The following LARP1 variants were observed in gnomAD, a reference collection of about 807,000 sequenced individuals.
The protein encoded by LARP1 is La ribonucleoprotein 1, translational regulator.
LARP1 carries 36 observed loss-of-function variants against 122.7 expected under a neutral mutation model. The observed-to-expected ratio is 0.29, with a 90% CI of 0.22 to 0.39. The LOEUF is 0.39. Ranked by LOEUF, LARP1 falls within the 10% of genes least tolerant of loss-of-function variation. The pLI, the probability that LARP1 is intolerant of heterozygous loss-of-function variation, is 1.00. For synonymous variants in LARP1, 539 were observed against 528.7 expected (o/e 1.02, Z -0.27); for missense variants, 1,040 against 1,403.6 (o/e 0.74, Z 4.14).
chr5:154,745,734 A>G (rs1307672462), intron 1 of LARP1, among the ~76,000 whole-genome samples: 1 of 152,160 alleles, frequency 6.6e-6, no homozygotes, highest in Non-Finnish European at 1.5e-5. Context: ...CAGAGAAAGA[A>G]AGTGACTTGC....
upstream of LARP1, among the ~76,000 whole-genome samples, chr5:154,711,630 A>C (rs1755230497): frequency 6.6e-6 from 1 of 152,168 alleles, no homozygotes; most frequent in South Asian, 2.1e-4. Context: ...AGGAAGGAGG[A>C]ATTTACAAGA....
In LARP1 at chr5:154,755,600, G is replaced by A; in HGVS notation, c.-158G>A. On this transcript the variant is annotated 5_prime_UTR_variant, in exon 1 of 19. Transcript: ENST00000518297. Reference sequence around the variant, plus strand: ...GGATTTACGGCGGCTGCATCTAACTGGGAGGGGGCCGCACCTCGCGTGAAC... The same window carrying A: ...GGATTTACGGCGGCTGCATCTAACTAGGAGGGGGCCGCACCTCGCGTGAAC... The A allele has an allele frequency of 3.0e-6, 3 of 987,486 alleles. No individual in the cohort carries two copies. The highest frequency in any genetic ancestry group is 3.6e-6 in the Non-Finnish European group (3 of 830,194). 61.2% of individuals were successfully genotyped at this position (987,486 alleles called of 1,614,324 possible).
intron 1 of LARP1, among the ~76,000 whole-genome samples, chr5:154,688,471 G>A (rs142473005): frequency 2.0e-5 from 3 of 151,740 alleles, no homozygotes; most frequent in South Asian, 2.1e-4. Context: ...CCAACATGGT[G>A]AAACCCTGTC....
chr5:154,764,612 A>G (rs1372017376), intron 1 of LARP1, among the ~76,000 whole-genome samples: 1 of 149,756 alleles, frequency 6.7e-6, no homozygotes, highest in East Asian at 2.0e-4. Flanking sequence ...AAAAAAAAAA[A>G]AAAAAAAACT....
chr5:154,812,809 G>A (rs952577171), intron 18 of LARP1, among the ~76,000 whole-genome samples: 3 of 151,928 alleles, frequency 2.0e-5, no homozygotes, highest in Admixed American at 1.3e-4. Flanking sequence ...GAGCCACCGC[G>A]CCCGGCCCAA....
Position 154,795,302 on chromosome 5 carries a change from A to T in LARP1, c.1360A>T (p.Ile454Phe). The change falls in exon 8 of 19, where the codon ATT becomes TTT. Residue 454 changes from isoleucine (I) to phenylalanine (F), a missense_variant. By Grantham distance (21) the Ile-to-Phe change is conservative (BLOSUM62 0). Transcript: ENST00000518297. The stretch of plus-strand genomic sequence containing the variant: ...CCGAGTGCAGGCCCTTACCACTGAC[A>T]TTTCACTCATCTTTGCGGTATGTCT... ...FHRVQALTTD[I>F]SLIFAALKDS... 1 of 1,613,758 alleles carries T rather than the reference A, an allele frequency of 6.2e-7. No individual in the cohort carries two copies. Among genetic ancestry groups the T allele is most frequent in the Non-Finnish European group, 8.5e-7 (1 of 1,179,872 alleles).
chr5:154,792,617 T>C lies in LARP1; in HGVS notation c.565-5T>C. 6.2e-7 allele frequency: 1 copy of C among 1,613,676 alleles called. No homozygotes were observed. The highest frequency in any genetic ancestry group is 8.5e-7 in the Non-Finnish European group (1 of 1,179,784). ...ACCTCACTGTTACTTTACTTCCTGC[T>C]ATAGCCACAGTCCCACAAGCCTCAG... is the stretch of plus-strand genomic sequence containing the variant. On this transcript the variant is annotated splice_polypyrimidine_tract_variant and splice_region_variant and intron_variant, in intron 3 of 18. Coordinates refer to ENST00000518297, the MANE Select transcript of LARP1 (RefSeq NM_033551.3).
chr5:154,726,476 T>A (rs1756223424), intron 1 of LARP1, among the ~76,000 whole-genome samples: 1 of 152,172 alleles, frequency 6.6e-6, no homozygotes, highest in African/African-American at 2.4e-5. Flanking sequence ...GATCCAGATT[T>A]TGGCATTTTG....
At chr5:154,694,006 A>G (rs1754356216) in intron 1 of LARP1, among the ~76,000 whole-genome samples, 1 of 152,192 alleles carries the variant, frequency 6.6e-6, no homozygotes, top group Non-Finnish European at 1.5e-5. Context: ...CGAAAAGTTC[A>G]GGGGATAGAG....
chr5:154,705,342 G>A (rs1258431111), intron 1 of LARP1, among the ~76,000 whole-genome samples: 1 of 152,066 alleles, frequency 6.6e-6, no homozygotes, highest in African/African-American at 2.4e-5. Flanking sequence ...TTCACAGCCA[G>A]TTACAGATCA....
intron 1 of LARP1, among the ~76,000 whole-genome samples, chr5:154,695,832 C>A: frequency 6.6e-6 from 1 of 151,866 alleles, no homozygotes; most frequent in Non-Finnish European, 1.5e-5. Flanking sequence ...AAGATCGTGC[C>A]GCTGCACTCC....
intron 1 of LARP1, among the ~76,000 whole-genome samples, chr5:154,759,765 A>G (rs2113579935): frequency 6.6e-6 from 1 of 152,154 alleles, no homozygotes; most frequent in South Asian, 2.1e-4. Context: ...TACTTCAGGT[A>G]CCCATACAAC....
intron 1 of LARP1, chr5:154,685,821 TTA>T (rs200868230): frequency 0.027 from 9,750 of 363,404 alleles, 29 homozygotes; most frequent in African/African-American, 0.036. Flanking sequence ...TTTTTTTTTT[TTA>T]AATTTTAGAG....
At chr5:154,734,616 T>C (rs1007682018) in intron 1 of LARP1, among the ~76,000 whole-genome samples, 1 of 152,182 alleles carries the variant, frequency 6.6e-6, no homozygotes, top group Non-Finnish European at 1.5e-5. Context: ...AAAGGGGGCG[T>C]ATACAGGCAA....
rs112157036 is a variant in LARP1 at position 154,770,475 on chromosome 5, T to A, written c.436+14282T>A. ...CCTGCCTAGGCTACCTCTCCCGGCC[T>A]GTCCCTGGCTCCCTCCCTGCCCATC... On this transcript the variant is annotated intron_variant, in intron 1 of 18. Transcript: ENST00000518297. Among the ~76,000 whole-genome samples the A allele has an allele frequency of 1.0e-3, 153 of 152,152 alleles. 1 individual carries two copies. The highest frequency in any genetic ancestry group is 3.6e-3 in the African/African-American group (149 of 41,502).
chr5:154,747,413 CA>C (rs1475900065), intron 1 of LARP1, among the ~76,000 whole-genome samples: 1 of 151,452 alleles, frequency 6.6e-6, no homozygotes, highest in African/African-American at 2.4e-5. Flanking sequence ...ACTAAAAATA[CA>C]AAAATTAGGC....
intron 1 of LARP1, among the ~76,000 whole-genome samples, chr5:154,683,822 G>A (rs1753799418): frequency 6.6e-6 from 1 of 152,228 alleles, no homozygotes; most frequent in Non-Finnish European, 1.5e-5. Context: ...TTTGTGAAAA[G>A]TGTGTTCCAG....
At chr5:154,684,079 A>G (rs927355851) in intron 1 of LARP1, among the ~76,000 whole-genome samples, 2 of 152,178 alleles carry the variant, frequency 1.3e-5, no homozygotes, top group African/African-American at 4.8e-5. Context: ...CAAAGGCAAT[A>G]TGCCACTTTG....
At chr5:154,715,991 C>T (rs997450074) in intron 1 of LARP1, among the ~76,000 whole-genome samples, 2 of 152,154 alleles carry the variant, frequency 1.3e-5, no homozygotes, top group African/African-American at 2.4e-5. Context: ...AGTGGCAGAA[C>T]TCCGAATCAG....
Sources: allele counts gnomAD v4.1 joint callset (sites outside exome capture counted in the v4.1 genomes callset), GRCh38; gene constraint gnomAD v4.1.1; transcripts MANE v1.5; gene names NCBI Gene and HGNC (gene_info 2026-07-23, HGNC 2026-07-21).